CNTNAP5: variants seen among roughly 807,000 people sequenced by gnomAD.
CNTNAP5 encodes contactin-associated protein-like 5.
CNTNAP5 carries 72 observed loss-of-function variants against 150.2 expected under a neutral mutation model. The observed-to-expected ratio is 0.48, with a 90% CI of 0.40 to 0.58. The LOEUF is 0.58. CNTNAP5 is among the 20% of genes least tolerant of loss of function. CNTNAP5 has a pLI of 0.00. For missense variants in CNTNAP5, 1,636 were observed against 1,626.2 expected (o/e 1.01, Z -0.10); for synonymous variants, 672 against 619.8 (o/e 1.08, Z -1.25).
chr2:124,401,518 T>G (rs1355348194), intron 3 of CNTNAP5, among the ~76,000 whole-genome samples: 1 of 152,226 alleles, frequency 6.6e-6, no homozygotes, highest in Non-Finnish European at 1.5e-5. Context: ...TTGAGAACTT[T>G]ATTCAGAAAC....
At chr2:124,508,088 T>TTA (rs1553474436) in intron 8 of CNTNAP5, among the ~76,000 whole-genome samples, 2 of 150,544 alleles carry the variant, frequency 1.3e-5, no homozygotes, top group Admixed American at 1.3e-4. Context: ...TCACAAGAGA[T>TTA]AAAAAAAAAA....
intron 1 of CNTNAP5, among the ~76,000 whole-genome samples, chr2:124,191,307 C>T (rs925253147): frequency 1.3e-5 from 2 of 152,148 alleles, no homozygotes; most frequent in Non-Finnish European, 2.9e-5. Flanking sequence ...ATTCTCTGAA[C>T]CGCTTAGTTG....
At chr2:124,146,472 G>T (rs1354353718) in intron 1 of CNTNAP5, among the ~76,000 whole-genome samples, 5 of 151,558 alleles carry the variant, frequency 3.3e-5, no homozygotes, top group Admixed American at 3.3e-4. Context: ...AGAGAGAAAT[G>T]TTCACAGATT....
At chr2:124,526,950 T>C (rs1272283670) in intron 9 of CNTNAP5, among the ~76,000 whole-genome samples, 1 of 152,324 alleles carries the variant, frequency 6.6e-6, no homozygotes, top group Non-Finnish European at 1.5e-5. Context: ...GCAGCTATAA[T>C]ACATTTCTTC....
intron 3 of CNTNAP5, among the ~76,000 whole-genome samples, chr2:124,302,659 C>T (rs1357750939): frequency 6.6e-6 from 1 of 152,164 alleles, no homozygotes; most frequent in Non-Finnish European, 1.5e-5. Context: ...TCTTATCAGT[C>T]CCCACCTCCC....
At chr2:124,851,131 G>A (rs565826517) in intron 19 of CNTNAP5, among the ~76,000 whole-genome samples, 25 of 152,264 alleles carry the variant, frequency 1.6e-4, no homozygotes, top group East Asian at 5.8e-4. Context: ...TTGGGAGGCC[G>A]AGGCAGGTGG....
intron 14 of CNTNAP5, among the ~76,000 whole-genome samples, chr2:124,759,251 T>C (rs556897318): frequency 2.0e-4 from 31 of 151,372 alleles, no homozygotes; most frequent in Middle Eastern, 6.8e-3. Context: ...TGGTGTATAG[T>C]CTAATAGTTT....
chr2:124,700,868 T>C (rs1679505713), intron 13 of CNTNAP5, among the ~76,000 whole-genome samples: 1 of 152,078 alleles, frequency 6.6e-6, no homozygotes, highest in African/African-American at 2.4e-5. Flanking sequence ...GCAAATGCAA[T>C]TGCGTTTTTT....
chr2:124,086,619 T>A (rs780801069), intron 1 of CNTNAP5, among the ~76,000 whole-genome samples: 5 of 151,200 alleles, frequency 3.3e-5, no homozygotes, highest in Non-Finnish European at 7.4e-5. Context: ...AGATATATTA[T>A]CTATATCTTA....
intron 1 of CNTNAP5, among the ~76,000 whole-genome samples, chr2:124,161,108 CT>C (rs1427917560): frequency 5.3e-5 from 8 of 152,122 alleles, no homozygotes; most frequent in African/African-American, 1.9e-4. Context: ...GTAGCAATGG[CT>C]AGATGTTGAT....
intron 3 of CNTNAP5, among the ~76,000 whole-genome samples, chr2:124,303,005 C>G (rs192741188): frequency 1.2e-3 from 183 of 152,238 alleles, no homozygotes; most frequent in African/African-American, 3.1e-3. Flanking sequence ...TGCTCTTTGC[C>G]TACATAAAGG....
chr2:124,478,837 A>G (rs1455800503), intron 7 of CNTNAP5, among the ~76,000 whole-genome samples: 4 of 152,204 alleles, frequency 2.6e-5, no homozygotes, highest in Non-Finnish European at 4.4e-5. Flanking sequence ...AGGCAGCAAG[A>G]GTACGGTACT....
At chr2:124,520,512 A>G (rs1694826132) in intron 8 of CNTNAP5, among the ~76,000 whole-genome samples, 2 of 152,140 alleles carry the variant, frequency 1.3e-5, no homozygotes, top group African/African-American at 2.4e-5. Context: ...CTCTATTCTC[A>G]TTGAGATTGA....
At chr2:124,079,681 G>A (rs141106386) in intron 1 of CNTNAP5, among the ~76,000 whole-genome samples, 527 of 152,258 alleles carry the variant, frequency 3.5e-3, no homozygotes, top group Non-Finnish European at 6.3e-3. Context: ...AGGAAAAAAT[G>A]TTTATTCATG....
chr2:124,388,594 G>A (rs745320720), intron 3 of CNTNAP5, among the ~76,000 whole-genome samples: 1 of 152,168 alleles, frequency 6.6e-6, no homozygotes, highest in Non-Finnish European at 1.5e-5. Context: ...ATATGTTCCC[G>A]CTCCTTGTCT....
chr2:124,663,136 TG>T (rs909041136), intron 13 of CNTNAP5, among the ~76,000 whole-genome samples: 17 of 152,184 alleles, frequency 1.1e-4, no homozygotes, highest in African/African-American at 4.1e-4. Flanking sequence ...GTAAGAACCA[TG>T]TGACCCTATC....
chr2:124,740,904 G>T (rs1239902802), intron 13 of CNTNAP5, among the ~76,000 whole-genome samples: 2 of 152,030 alleles, frequency 1.3e-5, no homozygotes, highest in Non-Finnish European at 2.9e-5. Flanking sequence ...AAACATGCAT[G>T]CCTCTTGAGG....
intron 17 of CNTNAP5, among the ~76,000 whole-genome samples, chr2:124,782,262 C>G (rs1247496636): frequency 6.6e-6 from 1 of 152,174 alleles, no homozygotes; most frequent in African/African-American, 2.4e-5. Context: ...CACGTAACCT[C>G]TGATGGTGCC....
chr2:124,093,587 G>GGC (rs1682863944), intron 1 of CNTNAP5, among the ~76,000 whole-genome samples: 1 of 152,084 alleles, frequency 6.6e-6, no homozygotes. Flanking sequence ...AGGAGGAATG[G>GGC]GCACCCATAG....
Sources: gnomAD v4.1 joint callset for allele counts (sites outside exome capture counted in the v4.1 genomes callset) on GRCh38, gnomAD v4.1.1 for gene constraint, MANE v1.5 for transcripts, NCBI Gene and HGNC (gene_info 2026-07-23, HGNC 2026-07-21) for gene names.